Variants in FANCI observed in about 807,000 individuals in gnomAD.
FANCI encodes the protein FA complementation group I.
FANCI carries 156 observed loss-of-function variants against 176.1 expected under a neutral mutation model. The ratio of observed to expected loss-of-function variants is 0.89; its 90% confidence interval spans 0.78 to 1.01. The LOEUF is 1.01. Among genes scored for constraint, FANCI ranks in the 50% least tolerant of loss-of-function variants. The pLI, the probability that FANCI is intolerant of heterozygous loss-of-function variation, is 0.00. For missense variants in FANCI, 1,678 were observed against 1,534.1 expected (o/e 1.09, Z -1.57); for synonymous variants, 613 against 541.7 (o/e 1.13, Z -1.83).
At chr15:89,255,597 C>A (rs1278422782) in intron 2 of FANCI, among the ~76,000 whole-genome samples, 1 of 151,910 alleles carries the variant, frequency 6.6e-6, no homozygotes, top group Non-Finnish European at 1.5e-5. Flanking sequence ...CTTGTGAGAC[C>A]GCATAAACTC....
chr15:89,252,913 C>G (rs1056823108), intron 2 of FANCI, among the ~76,000 whole-genome samples: 2 of 152,094 alleles, frequency 1.3e-5, no homozygotes, highest in African/African-American at 2.4e-5. Flanking sequence ...CAATTTAATA[C>G]CAGTAAAAAT....
intron 36 of FANCI, among the ~76,000 whole-genome samples, 198 bp from the exon 37 acceptor site, chr15:89,315,084 C>T (rs571799724): frequency 1.3e-5 from 2 of 152,234 alleles, no homozygotes; most frequent in African/African-American, 4.8e-5. Context: ...GCTGGGATTA[C>T]AGGCATGAGC....
intron 2 of FANCI, among the ~76,000 whole-genome samples, chr15:89,253,795 G>A (rs1275660858): frequency 1.5e-5 from 2 of 136,778 alleles, no homozygotes; most frequent in African/African-American, 2.7e-5. Context: ...GTGGGGGGGG[G>A]GGGGAAGATA....
intron 9 of FANCI, 101 bp downstream of exon 9, chr15:89,264,708 A>G: frequency 9.8e-7 from 1 of 1,018,042 alleles, no homozygotes; most frequent in Non-Finnish European, 1.5e-6. Context: ...GCCTACCTTC[A>G]CCTCAGCACA....
chr15:89,293,171 A>G (rs111486424), intron 22 of FANCI, 108 bp downstream of exon 22: 2 of 1,216,660 alleles, frequency 1.6e-6, no homozygotes, highest in Admixed American at 1.9e-5. Context: ...AGACGATGAC[A>G]CTGTCTCTTA....
At chr15:89,317,237 T>TATAAACTGA (rs2055301778), downstream of FANCI, 1 of 754,258 alleles carries the variant, frequency 1.3e-6, no homozygotes, top group Admixed American at 2.1e-5. Context: ...CAGGGCACCT[T>TATAAACTGA]ATAAACTGAA....
chr15:89,275,231 C>T (rs1307596785), intron 12 of FANCI, among the ~76,000 whole-genome samples: 1 of 151,990 alleles, frequency 6.6e-6, no homozygotes, highest in Non-Finnish European at 1.5e-5. Flanking sequence ...GCATCTGACT[C>T]ATGGCCTCTT....
chr15:89,273,461 C>T lies in FANCI; in HGVS notation c.967C>T (p.Gln323Ter). 1 of 1,542,430 alleles carries T rather than the reference C, an allele frequency of 6.5e-7. No homozygotes were observed. Among genetic ancestry groups the T allele is most frequent in the East Asian group, 2.3e-5 (1 of 43,694 alleles). Reference sequence around the variant, plus strand: ...GTCTGTAACAAGAATACAAAGATTTCAGGACCAGGTATTTTTTTAAAATGC... The same window carrying T: ...GTCTGTAACAAGAATACAAAGATTTTAGGACCAGGTATTTTTTTAAAATGC... ...LLSVTRIQRF[Q>*]DQVLDLLKTS... The change falls in exon 11 of 38, where the codon CAG becomes TAG. Residue 323 changes from glutamine to a stop codon, truncating the protein, a stop_gained. Transcript: ENST00000310775. LOFTEE classifies it high-confidence loss of function.
At chr15:89,267,719 G>A (rs570118424) in intron 9 of FANCI, among the ~76,000 whole-genome samples, 2 of 152,296 alleles carry the variant, frequency 1.3e-5, no homozygotes, top group African/African-American at 4.8e-5. Flanking sequence ...TTGAGCCCAG[G>A]AGTTCAAAAC....
chr15:89,285,116 C>A lies in FANCI; in HGVS notation c.1719C>A (p.Ser573Arg). The A allele has an allele frequency of 1.2e-6, 2 of 1,614,080 alleles. No homozygotes were observed. The highest frequency in any genetic ancestry group is 2.7e-5 in the African/African-American group (2 of 75,028). The change falls in exon 18 of 38, where the codon AGC becomes AGA. Residue 573 changes from serine (S) to arginine (R), a missense_variant. Physicochemically the swap from Ser to Arg is moderately radical, Grantham distance 110. This residue lies in a region of FANCI where 1,204 missense variants were observed against 1,077.4 expected (regional missense o/e 1.12). Transcript: ENST00000310775. ...TTCAGGTTCATGTGGATGTTCACAG[C>A]CATTACAATTCTGTCGCCAATGAAA... ...SVSQVHVDVH[S>R]HYNSVANETF...
At chr15:89,264,472 G>A (rs2052853451) in intron 8 of FANCI, 50 bp from the exon 9 acceptor site, 4 of 1,465,770 alleles carry the variant, frequency 2.7e-6, no homozygotes, top group Non-Finnish European at 3.8e-6. Flanking sequence ...ATTCAAATTG[G>A]TTATTTTGCT....
chr15:89,254,479 C>T (rs2052409076), intron 2 of FANCI, among the ~76,000 whole-genome samples: 1 of 152,080 alleles, frequency 6.6e-6, no homozygotes, highest in South Asian at 2.1e-4. Flanking sequence ...ACTATTTGAG[C>T]ATCAAAATAA....
intron 13 of FANCI, among the ~76,000 whole-genome samples, chr15:89,278,060 A>T (rs1319192728): frequency 6.6e-6 from 1 of 152,146 alleles, no homozygotes; most frequent in Non-Finnish European, 1.5e-5. Context: ...TTAAATTATT[A>T]TTTTTCAAAA....
intron 19 of FANCI, 87 bp from the exon 20 acceptor site, chr15:89,291,526 G>A: frequency 9.9e-7 from 1 of 1,006,542 alleles, no homozygotes; most frequent in South Asian, 1.3e-5. Flanking sequence ...GAAGGCATTA[G>A]ACATTAAAGA....
At chr15:89,312,316 C>A (rs1194014588) in intron 34 of FANCI, among the ~76,000 whole-genome samples, 1 of 152,224 alleles carries the variant, frequency 6.6e-6, no homozygotes, top group Admixed American at 6.5e-5. Context: ...AGCCCCTTGG[C>A]TGACCCACTG....
chr15:89,271,052 G>A (rs1567150232), intron 10 of FANCI, among the ~76,000 whole-genome samples: 1 of 151,912 alleles, frequency 6.6e-6, no homozygotes, highest in South Asian at 2.1e-4. Flanking sequence ...GATCCAGTCT[G>A]TTGTTTTCTT....
chr15:89,305,814 A>G, intron 31 of FANCI, 116 bp downstream of exon 31: 2 of 1,204,562 alleles, frequency 1.7e-6, no homozygotes, highest in Non-Finnish European at 2.4e-6. Context: ...CCTTTAAGCT[A>G]GATTTTTTCC....
At chr15:89,313,869 A>G (rs1409545097) in intron 35 of FANCI, among the ~76,000 whole-genome samples, 2 of 151,690 alleles carry the variant, frequency 1.3e-5, no homozygotes, top group Non-Finnish European at 2.9e-5. Flanking sequence ...ATGTTAAAAA[A>G]AATTTGTACA....
rs768500794 is a variant in FANCI at position 89,293,975 on chromosome 15, A to G, written c.2434A>G (p.Ser812Gly). The change falls in exon 23 of 38, where the codon AGT (serine) becomes GGT (glycine). Residue 812 changes from serine to glycine, a missense_variant. Physicochemically the swap from Ser to Gly is moderately conservative, Grantham distance 56. Coordinates refer to ENST00000310775, the MANE Select transcript of FANCI (RefSeq NM_001113378.2). Reference sequence around the variant, plus strand: ...TCTTTTGTCCATGAAATTTGTGTCCAGTCTTCTCACTGCTCTTTTCAGGTA... The same window carrying G: ...TCTTTTGTCCATGAAATTTGTGTCCGGTCTTCTCACTGCTCTTTTCAGGTA... Reference protein sequence around the residue: ...DSLLSMKFVSSLLTALFRDSI... With the variant: ...DSLLSMKFVSGLLTALFRDSI... 5.5e-5 allele frequency: 89 copies of G among 1,614,092 alleles called. No homozygotes were observed. Among genetic ancestry groups the G allele is most frequent in the East Asian group, 1.3e-4 (6 of 44,882 alleles).
Sources: allele counts gnomAD v4.1 joint callset (sites outside exome capture counted in the v4.1 genomes callset), GRCh38; gene constraint gnomAD v4.1.1; regional missense constraint gnomAD v4.1.1; transcripts MANE v1.5; gene names NCBI Gene and HGNC (gene_info 2026-07-23, HGNC 2026-07-21).